Variants in LY75 observed in about 807,000 individuals in gnomAD.
LY75 encodes C-type lectin domain family 13 member B.
In LY75, 185 loss-of-function variants were observed where a neutral mutation model predicts 231.7. The ratio of observed to expected loss-of-function variants is 0.80; its 90% CI spans 0.71 to 0.90. The LOEUF is 0.90. Among genes scored for constraint, LY75 ranks in the 40% least tolerant of loss-of-function variants. LY75 has a pLI of 0.00. For missense variants in LY75, 1,947 were observed against 2,050.2 expected (o/e 0.95, Z 0.97); for synonymous variants, 668 against 689.0 (o/e 0.97, Z 0.48).
At chr2:159,843,841 A>G (rs929917462) in intron 23 of LY75, among the ~76,000 whole-genome samples, 1 of 152,206 alleles carries the variant, frequency 6.6e-6, no homozygotes, top group Non-Finnish European at 1.5e-5. Flanking sequence ...GTTTAAAGTG[A>G]GGAATATGGT....
intron 29 of LY75, among the ~76,000 whole-genome samples, chr2:159,819,371 C>G (rs573852447): frequency 2.0e-5 from 3 of 151,980 alleles, no homozygotes; most frequent in Non-Finnish European, 2.9e-5. Flanking sequence ...TTTTTCAAAC[C>G]CCAACCAAGT....
chr2:159,878,761 C>T (rs200692669), intron 9 of LY75, 40 bp from the exon 10 acceptor site: 1 of 1,606,162 alleles, frequency 6.2e-7, no homozygotes, highest in African/African-American at 1.3e-5. Flanking sequence ...CTTTTCCAGA[C>T]TTGATGGTGT....
chr2:159,892,496 G>A (rs1469086449), intron 3 of LY75, among the ~76,000 whole-genome samples: 1 of 152,178 alleles, frequency 6.6e-6, no homozygotes, highest in Admixed American at 6.5e-5. Flanking sequence ...GTTGCTGTGA[G>A]GACTGAATGA....
In LY75 at chr2:159,899,358, G is replaced by A. The variant is rs118087449; in HGVS notation, c.95-299C>T. ...CTCTGTGCTCCAGTTTTCATATGAT[G>A]GTTGTGAGCATGAAAGGAGCTAATC... On this transcript the variant is annotated intron_variant, in intron 1 of 34. Transcript: ENST00000263636. Among the ~76,000 whole-genome samples the A allele has an allele frequency of 2.1e-3, 319 of 152,296 alleles. 13 individuals carry two copies. The East Asian group carries it at 0.046, about 22-fold the overall frequency.
At chr2:159,887,328 C>T (rs1329213421) in intron 4 of LY75, among the ~76,000 whole-genome samples, 4 of 150,016 alleles carry the variant, frequency 2.7e-5, no homozygotes, top group South Asian at 2.1e-4. Flanking sequence ...AGATAGAAGG[C>T]GGGTGGATCA....
At position 159,898,952 on chromosome 2, in the gene LY75, T is replaced by C. The variant is rs1225252021; in HGVS notation, c.202A>G (p.Lys68Glu). 6.2e-7 allele frequency: 1 copy of C among 1,614,124 alleles called. No individual in the cohort carries two copies. Among genetic ancestry groups the C allele is most frequent in the Non-Finnish European group, 8.5e-7 (1 of 1,180,056 alleles). Residue 68 changes from lysine to glutamate, a missense_variant, in exon 2 of 35, where the codon AAG becomes GAG. Coordinates refer to ENST00000263636, the MANE Select transcript of LY75 (RefSeq NM_002349.4). ...DCDETEDKLW[K>E]WVSQHRLFHL... ...AAGAGCCGATGCTGGGACACCCACTTCCATAACTTGTCCTCAGTTTCATCA... is the reference window on the plus strand; with the variant it reads ...AAGAGCCGATGCTGGGACACCCACTCCCATAACTTGTCCTCAGTTTCATCA...
intron 29 of LY75, among the ~76,000 whole-genome samples, chr2:159,817,884 C>A (rs755930466): frequency 9.2e-5 from 14 of 151,842 alleles, no homozygotes; most frequent in Non-Finnish European, 1.9e-4. Flanking sequence ...CCCGTCTCTA[C>A]CAAAAATACA....
intron 14 of LY75, among the ~76,000 whole-genome samples, chr2:159,861,130 T>C (rs1042378992): frequency 6.6e-6 from 1 of 152,230 alleles, no homozygotes; most frequent in Non-Finnish European, 1.5e-5. Flanking sequence ...GTGTATTAAG[T>C]TCGCCGCTGG....
intron 28 of LY75, among the ~76,000 whole-genome samples, chr2:159,828,116 GA>G (rs908261108): frequency 2.7e-4 from 39 of 146,222 alleles, no homozygotes; most frequent in East Asian, 2.6e-3. Context: ...AAAAAAAGAA[GA>G]AAAAAAAAGA....
chr2:159,896,679 C>T (rs774347449), intron 2 of LY75, among the ~76,000 whole-genome samples: 2 of 152,078 alleles, frequency 1.3e-5, no homozygotes, highest in African/African-American at 2.4e-5. Flanking sequence ...AAGGGATATA[C>T]ATAAATTGAA....
At chr2:159,900,113 C>G (rs866186938) in intron 1 of LY75, among the ~76,000 whole-genome samples, 1 of 152,152 alleles carries the variant, frequency 6.6e-6, no homozygotes, top group Non-Finnish European at 1.5e-5. Flanking sequence ...AGGTAACCAG[C>G]GGGATCCAAT....
At chr2:159,874,285 A>AATAT (rs1184866924) in intron 12 of LY75, among the ~76,000 whole-genome samples, 18 of 44,384 alleles carry the variant, frequency 4.1e-4, no homozygotes, top group African/African-American at 9.0e-4. Context: ...ATATATTGTA[A>AATAT]ATATATGTTT....
intron 28 of LY75, among the ~76,000 whole-genome samples, chr2:159,822,758 G>A (rs940069522): frequency 9.9e-5 from 15 of 152,150 alleles, no homozygotes; most frequent in African/African-American, 3.4e-4. Context: ...CTGGGAAGAA[G>A]CTTCCAGAGG....
chr2:159,833,994 C>T, intron 27 of LY75, 50 bp downstream of exon 27: 1 of 1,571,220 alleles, frequency 6.4e-7, no homozygotes, highest in Non-Finnish European at 8.6e-7. Flanking sequence ...ATTACCTAGC[C>T]TCGGGTATGT....
At chr2:159,840,601 C>T in intron 25 of LY75, 128 bp downstream of exon 25, 2 of 1,393,146 alleles carry the variant, frequency 1.4e-6, no homozygotes, top group Non-Finnish European at 1.9e-6. Context: ...CCGACATATT[C>T]CATGAAATTT....
At position 159,835,548 on chromosome 2, in the gene LY75, G is replaced by C. The variant is rs2303549; in HGVS notation, c.3605C>G (p.Thr1202Ser). ...ATCAACTGTTTTCCAGAATCCATCAGTGTCTAATACTACACAGTCTTCGAG... is the reference window on the plus strand; with the variant it reads ...ATCAACTGTTTTCCAGAATCCATCACTGTCTAATACTACACAGTCTTCGAG... ...GQLEDCVVLD[T>S]DGFWKTVDCN... The change falls in exon 26 of 35, where the codon ACT becomes AGT. Residue 1202 changes from threonine (T) to serine (S), a missense_variant. Physicochemically the swap from Thr to Ser is moderately conservative, Grantham distance 58. Coordinates refer to ENST00000263636, the MANE Select transcript of LY75 (RefSeq NM_002349.4). 56 of 1,613,484 alleles carry C rather than the reference G, an allele frequency of 3.5e-5. No individual in the cohort carries two copies. In the East Asian group the frequency reaches 1.2e-3, roughly 36 times the overall value.
chr2:159,842,446 G>T, intron 23 of LY75, 72 bp from the exon 24 acceptor site: 1 of 1,468,260 alleles, frequency 6.8e-7, no homozygotes, highest in East Asian at 2.6e-5. Flanking sequence ...GAAAAGTTTA[G>T]ATTCTAGATT....
intron 3 of LY75, among the ~76,000 whole-genome samples, chr2:159,892,447 T>C (rs1685787644): frequency 6.6e-6 from 1 of 152,186 alleles, no homozygotes; most frequent in Non-Finnish European, 1.5e-5. Context: ...CTCACTGTGA[T>C]CATCTGTAAA....
chr2:159,903,131 T>C (rs972602442), intron 1 of LY75: 14 of 152,216 alleles, frequency 9.2e-5, no homozygotes, highest in Admixed American at 8.5e-4. Flanking sequence ...TAAGGAAGGA[T>C]ACAGGATAAC....
Sources: allele counts gnomAD v4.1 joint callset (sites outside exome capture counted in the v4.1 genomes callset), GRCh38; gene constraint gnomAD v4.1.1; transcripts MANE v1.5; gene names NCBI Gene and HGNC (gene_info 2026-07-23, HGNC 2026-07-21).